TRMT11: variants seen among roughly 807,000 people sequenced by gnomAD.
TRMT11 encodes tRNA (guanine(10)-N(2))-methyltransferase TRMT11.
In TRMT11, 53 loss-of-function variants were observed where a neutral mutation model predicts 62.8. The ratio of observed to expected loss-of-function variants is 0.84; its 90% CI spans 0.68 to 1.06. TRMT11 has a LOEUF of 1.06. Among genes scored for constraint, TRMT11 ranks in the 50% least tolerant of loss-of-function variants. The pLI is 0.00. For synonymous variants in TRMT11, 188 were observed against 190.3 expected (o/e 0.99, Z 0.10); for missense variants, 556 against 553.4 (o/e 1.00, Z -0.05).
Position 126,166,361 on chromosome 6 carries a change from CT to C in TRMT11, c.*1824-8463del, listed in dbSNP as rs1206522360. Among the ~76,000 whole-genome samples, 7 of 152,102 alleles carry C rather than the reference CT, an allele frequency of 4.6e-5. No homozygotes were observed. In the South Asian group the frequency reaches 6.2e-4, roughly 13 times the overall value. On this transcript the variant is annotated intron_variant and NMD_transcript_variant, in intron 21 of 22. Transcript: ENST00000648977. ...TTGCTGATGTTGATGCTATTCCTTTCTGTTTTTTTTCCTTCTAATAGTCAGG... is the reference window on the plus strand; with the variant it reads ...TTGCTGATGTTGATGCTATTCCTTTCGTTTTTTTTCCTTCTAATAGTCAGG...
At chr6:126,138,504 A>T (rs150460733) in intron 21 of TRMT11, among the ~76,000 whole-genome samples, 1 of 151,998 alleles carries the variant, frequency 6.6e-6, no homozygotes, top group African/African-American at 2.4e-5. Context: ...AATATTAATC[A>T]TTTGAAGCAC....
chr6:126,183,968 T>C (rs1311960193), intron 1 of TRMT11, among the ~76,000 whole-genome samples: 3 of 152,284 alleles, frequency 2.0e-5, no homozygotes, highest in South Asian at 4.1e-4. Flanking sequence ...TCTTGCCATC[T>C]GGAAAATGAG....
chr6:126,176,719 A>G (rs1015348505), upstream of TRMT11, among the ~76,000 whole-genome samples: 15 of 152,228 alleles, frequency 9.9e-5, no homozygotes, highest in African/African-American at 3.6e-4. Flanking sequence ...AAGTATGGGT[A>G]GTTTATTTTC....
At chr6:126,055,609 C>T (rs1206713661) in intron 17 of TRMT11, among the ~76,000 whole-genome samples, 2 of 152,148 alleles carry the variant, frequency 1.3e-5, no homozygotes, top group African/African-American at 2.4e-5. Flanking sequence ...CTCTGGATGA[C>T]GTACTGGGTG....
At chr6:126,010,293 G>A (rs1793982852) in intron 8 of TRMT11, among the ~76,000 whole-genome samples, 1 of 151,910 alleles carries the variant, frequency 6.6e-6, no homozygotes. Context: ...TTGGCAGGTG[G>A]TACTTTTACT....
chr6:126,016,054 A>G (rs1454509935), intron 11 of TRMT11, among the ~76,000 whole-genome samples: 3 of 152,084 alleles, frequency 2.0e-5, no homozygotes, highest in East Asian at 3.9e-4. Flanking sequence ...TTTGATTTGT[A>G]TTTTATGGGG....
intron 17 of TRMT11, among the ~76,000 whole-genome samples, chr6:126,053,433 T>G (rs1424830709): frequency 1.3e-5 from 2 of 152,192 alleles, no homozygotes; most frequent in Non-Finnish European, 2.9e-5. Context: ...GTCCACTCAC[T>G]CTATTTCCTC....
At chr6:126,238,681 T>C in the TRMT11 span, among the ~76,000 whole-genome samples, 1 of 152,246 alleles carries the variant, frequency 6.6e-6, no homozygotes, top group Non-Finnish European at 1.5e-5. Context: ...GAAGAATGTA[T>C]ATTCTGCTGA....
intron 3 of TRMT11, among the ~76,000 whole-genome samples, chr6:126,201,757 A>G (rs1327026884): frequency 6.8e-6 from 1 of 146,986 alleles, no homozygotes; most frequent in Non-Finnish European, 1.5e-5. Context: ...TTATTTGTCT[A>G]CTCCTTCATT....
intron 17 of TRMT11, among the ~76,000 whole-genome samples, chr6:126,107,051 C>T (rs1191167835): frequency 6.6e-6 from 1 of 151,458 alleles, no homozygotes; most frequent in Non-Finnish European, 1.5e-5. Context: ...TTTTGAGATC[C>T]TTGTGTTAAA....
At chr6:126,091,597 A>C (rs974297251) in intron 17 of TRMT11, among the ~76,000 whole-genome samples, 40 of 151,936 alleles carry the variant, frequency 2.6e-4, no homozygotes, top group African/African-American at 9.7e-4. Context: ...AATTTGTCCA[A>C]AGTTTCTCTT....
chr6:126,089,128 T>TC (rs1447988176), intron 17 of TRMT11, among the ~76,000 whole-genome samples: 1 of 151,936 alleles, frequency 6.6e-6, no homozygotes, highest in African/African-American at 2.4e-5. Flanking sequence ...TTTTTTTTTT[T>TC]CCCAAGATGG....
chr6:126,270,803 C>T, the TRMT11 span, among the ~76,000 whole-genome samples: 1 of 151,900 alleles, frequency 6.6e-6, no homozygotes, highest in Admixed American at 6.6e-5. Flanking sequence ...TCCTTGTTAC[C>T]TTGCTTGTCT....
intron 1 of TRMT11, among the ~76,000 whole-genome samples, chr6:126,190,923 CA>C (rs374007732): frequency 6.6e-6 from 1 of 152,120 alleles, no homozygotes; most frequent in Non-Finnish European, 1.5e-5. Context: ...GATATCTCTT[CA>C]ACATACTTAT....
chr6:126,116,687 A>G (rs759557222), intron 21 of TRMT11, among the ~76,000 whole-genome samples: 1 of 152,104 alleles, frequency 6.6e-6, no homozygotes, highest in Non-Finnish European at 1.5e-5. Flanking sequence ...AGAATTGTCT[A>G]CTTTGGTCAG....
At chr6:126,238,753 T>G in the TRMT11 span, among the ~76,000 whole-genome samples, 1 of 152,246 alleles carries the variant, frequency 6.6e-6, no homozygotes, top group Non-Finnish European at 1.5e-5. Flanking sequence ...TGTGTTCAAT[T>G]TCTGGATATC....
intron 11 of TRMT11, among the ~76,000 whole-genome samples, chr6:126,020,148 G>T (rs1045889918): frequency 6.6e-6 from 1 of 152,148 alleles, no homozygotes; most frequent in Non-Finnish European, 1.5e-5. Flanking sequence ...AAAACAGGTA[G>T]CTGAGATTGT....
rs1776242145 is a variant in TRMT11, at chr6:126,052,298, G to C, written c.*1370-825G>C. ...GAAAAACCTGCTAAAGAAATACGCAGGCTGCCGCTGTTTGGGCTCCAGACG... is the reference window on the plus strand; with the variant it reads ...GAAAAACCTGCTAAAGAAATACGCACGCTGCCGCTGTTTGGGCTCCAGACG... On this transcript the variant is annotated intron_variant and NMD_transcript_variant, in intron 16 of 22. Transcript: ENST00000648977. 2.0e-5 allele frequency among the ~76,000 whole-genome samples: 3 copies of C among 152,120 alleles called. No individual in the cohort carries two copies. The South Asian group carries it at 6.2e-4, about 32-fold the overall frequency.
At chr6:126,159,292 C>T (rs1156637903) in intron 21 of TRMT11, among the ~76,000 whole-genome samples, 4 of 152,106 alleles carry the variant, frequency 2.6e-5, no homozygotes, top group Admixed American at 2.0e-4. Context: ...GGGCGGAGGT[C>T]TGCAAATACC....
Sources: gnomAD v4.1 joint callset for allele counts (sites outside exome capture counted in the v4.1 genomes callset) on GRCh38, gnomAD v4.1.1 for gene constraint, MANE v1.5 for transcripts, NCBI Gene and HGNC (gene_info 2026-07-23, HGNC 2026-07-21) for gene names.